Variants in HPCAL1 observed in about 807,000 individuals in gnomAD.
HPCAL1 encodes hippocalcin like 1.
A neutral mutation model predicts 17.1 loss-of-function variants in HPCAL1; 8 were observed. The ratio of observed to expected loss-of-function variants is 0.47; its 90% CI spans 0.27 to 0.84. The LOEUF is 0.84. HPCAL1 is among the 40% of genes least tolerant of loss of function. The pLI is 0.13. For synonymous variants in HPCAL1, 112 were observed against 111.4 expected (o/e 1.01, Z -0.03); for missense variants, 165 against 271.1 (o/e 0.61, Z 2.75).
rs1558486972 is a variant in HPCAL1 at position 10,362,124 on chromosome 2, G to GCC, written c.-110-34711_-110-34710insCC. Reference sequence around the variant, plus strand: ...TCATGTGCCCAAGATCACTTAGCTAGTAAGTGATGGGCAGGGCTGTGGAGC... The same window carrying GCC: ...TCATGTGCCCAAGATCACTTAGCTAGCCTAAGTGATGGGCAGGGCTGTGGAGC... On this transcript the variant is annotated intron_variant, in intron 1 of 4. Coordinates refer to ENST00000307845, the MANE Select transcript of HPCAL1 (RefSeq NM_002149.4). The surrounding 1 kb of genome is among the most constrained non-coding windows in gnomAD (Gnocchi z 5.0). 6.6e-6 allele frequency among the ~76,000 whole-genome samples: 1 copy of GCC among 152,250 alleles called. No individual in the cohort carries two copies. Among genetic ancestry groups the GCC allele is most frequent in the African/African-American group, 2.4e-5 (1 of 41,466 alleles).
At chr2:10,322,065 C>T (rs1439943136) in intron 1 of HPCAL1, among the ~76,000 whole-genome samples, 1 of 151,956 alleles carries the variant, frequency 6.6e-6, no homozygotes, top group Non-Finnish European at 1.5e-5. Flanking sequence ...CTCTGTTGCC[C>T]AGGCTGAAGT....
chr2:10,328,095 G>T lies in HPCAL1; in HGVS notation c.-111+24918G>T, dbSNP rs1572646680. ...GTGATGCGGAAAGACAGCCAAGGGGGACAGTGGCACATGCCTGTGGCACTT... is the reference window on the plus strand; with the variant it reads ...GTGATGCGGAAAGACAGCCAAGGGGTACAGTGGCACATGCCTGTGGCACTT... On this transcript the variant is annotated intron_variant, in intron 1 of 4. Transcript: ENST00000307845. 2.0e-5 allele frequency among the ~76,000 whole-genome samples: 3 copies of T among 152,220 alleles called. No homozygotes were observed. The South Asian group carries it at 6.2e-4, about 32-fold the overall frequency.
chr2:10,312,865 TCACCAC>T (rs1386314428), intron 1 of HPCAL1, among the ~76,000 whole-genome samples: 1 of 151,770 alleles, frequency 6.6e-6, no homozygotes, highest in South Asian at 2.1e-4. Context: ...ACCATCATCA[TCACCAC>T]CACCACCATC....
At chr2:10,385,182 C>T (rs1184003109) in intron 1 of HPCAL1, among the ~76,000 whole-genome samples, 6 of 152,088 alleles carry the variant, frequency 3.9e-5, no homozygotes, top group Non-Finnish European at 7.4e-5. Flanking sequence ...AGCAGCTGTG[C>T]GGTGGTCCTT....
At chr2:10,353,629 A>C (rs4669575) in intron 1 of HPCAL1, among the ~76,000 whole-genome samples, 1 of 152,108 alleles carries the variant, frequency 6.6e-6, no homozygotes, top group Non-Finnish European at 1.5e-5. Flanking sequence ...GTGCAGTGAC[A>C]TGATCAGGGC....
chr2:10,307,377 A>C (rs1461301824), intron 1 of HPCAL1, among the ~76,000 whole-genome samples: 2 of 152,176 alleles, frequency 1.3e-5, no homozygotes, highest in Non-Finnish European at 2.9e-5. Flanking sequence ...CATGATATTA[A>C]GTGCATGTCT....
chr2:10,395,424 C>T lies in HPCAL1; in HGVS notation c.-110-1411C>T, dbSNP rs987182116. Among the ~76,000 whole-genome samples the T allele has an allele frequency of 5.7e-5, 8 of 140,450 alleles. No individual in the cohort carries two copies. In the East Asian group the frequency reaches 9.8e-4, roughly 17 times the overall value. 92.1% of individuals were successfully genotyped at this position (140,450 alleles called of 152,430 possible). On this transcript the variant is annotated intron_variant, in intron 1 of 4. Transcript: ENST00000307845. This position sits in a 1 kb window ranked among gnomAD's most constrained non-coding sequence, Gnocchi z 4.4. ...AGGCTCTGGACGCATAGACGTGAAA[C>T]GGACGATTTCCTGACCTTGTGGCGC... is the stretch of plus-strand genomic sequence containing the variant.
At chr2:10,399,335 C>A (rs1007364496) in intron 2 of HPCAL1, among the ~76,000 whole-genome samples, 102 of 104,232 alleles carry the variant, frequency 9.8e-4, no homozygotes, top group African/African-American at 3.5e-3. Flanking sequence ...TCACCACCAC[C>A]ACCACCACCA....
rs1266535335 is a variant in HPCAL1 at position 10,394,794 on chromosome 2, T to C, written c.-110-2041T>C. Among the ~76,000 whole-genome samples the C allele has an allele frequency of 6.6e-6, 1 of 152,060 alleles. No homozygotes were observed. Among genetic ancestry groups the C allele is most frequent in the Non-Finnish European group, 1.5e-5 (1 of 68,010 alleles). ...TTGGGAAGACCTAAAAAATAAAATCTTTTATTTTATTTTATTTTTTTGAGA... is the reference window on the plus strand; with the variant it reads ...TTGGGAAGACCTAAAAAATAAAATCCTTTATTTTATTTTATTTTTTTGAGA... On this transcript the variant is annotated intron_variant, in intron 1 of 4. Transcript: ENST00000307845. This position sits in a 1 kb window ranked among gnomAD's most constrained non-coding sequence, Gnocchi z 5.0.
At chr2:10,364,437 TG>T (rs1666718647) in intron 1 of HPCAL1, among the ~76,000 whole-genome samples, 1 of 151,876 alleles carries the variant, frequency 6.6e-6, no homozygotes, top group Admixed American at 6.6e-5. Flanking sequence ...TGGAATGCGA[TG>T]GCCAGGGAGG....
Position 10,342,106 on chromosome 2 carries a change from G to A in HPCAL1, c.-111+38929G>A, listed in dbSNP as rs1388471281. 6.6e-6 allele frequency among the ~76,000 whole-genome samples: 1 copy of A among 152,160 alleles called. No homozygotes were observed. The highest frequency in any genetic ancestry group is 2.1e-4 in the South Asian group (1 of 4,828). ...GATGACTTGAGCCCAGGAGGTTGAGGCTACAGTGAGCTCTGATTGTGCCGC... is the reference window on the plus strand; with the variant it reads ...GATGACTTGAGCCCAGGAGGTTGAGACTACAGTGAGCTCTGATTGTGCCGC... On this transcript the variant is annotated intron_variant, in intron 1 of 4. Coordinates refer to ENST00000307845, the MANE Select transcript of HPCAL1 (RefSeq NM_002149.4). This position sits in a 1 kb window ranked among gnomAD's most constrained non-coding sequence, Gnocchi z 4.1.
At chr2:10,381,715 G>T (rs1268731702) in intron 1 of HPCAL1, among the ~76,000 whole-genome samples, 1 of 152,196 alleles carries the variant, frequency 6.6e-6, no homozygotes, top group Non-Finnish European at 1.5e-5. Flanking sequence ...TCAGGGAATT[G>T]TAAATCAAAG....
At chr2:10,366,920 A>G (rs541130717) in intron 1 of HPCAL1, among the ~76,000 whole-genome samples, 13 of 152,204 alleles carry the variant, frequency 8.5e-5, no homozygotes, top group African/African-American at 2.9e-4. Flanking sequence ...ACCTTGTTTG[A>G]GGAGGCTGTG....
intron 1 of HPCAL1, among the ~76,000 whole-genome samples, chr2:10,325,915 AG>A (rs1395052995): frequency 6.6e-6 from 1 of 152,186 alleles, no homozygotes; most frequent in Non-Finnish European, 1.5e-5. Context: ...GTTGGGGGAA[AG>A]TTGTTGGGAA....
intron 1 of HPCAL1, among the ~76,000 whole-genome samples, chr2:10,328,201 G>A (rs969628134): frequency 2.6e-5 from 4 of 152,206 alleles, no homozygotes; most frequent in Admixed American, 6.5e-5. Context: ...TTTTACAGAG[G>A]AGGACACTGA....
At chr2:10,333,643 A>G (rs947320776) in intron 1 of HPCAL1, among the ~76,000 whole-genome samples, 3 of 152,134 alleles carry the variant, frequency 2.0e-5, no homozygotes, top group Admixed American at 2.0e-4. Flanking sequence ...TTGATTTTTG[A>G]AGAAAGTTTT....
At position 10,304,669 on chromosome 2, in the gene HPCAL1, G is replaced by A. The variant is rs1443297768; in HGVS notation, c.-111+1492G>A. ...CTTACCACGACTCACTCTCTGGAGAGTTCTGGCGCCTCGGCGCTGGCTCGG... is the reference window on the plus strand; with the variant it reads ...CTTACCACGACTCACTCTCTGGAGAATTCTGGCGCCTCGGCGCTGGCTCGG... On this transcript the variant is annotated intron_variant, in intron 1 of 4. Coordinates refer to ENST00000307845, the MANE Select transcript of HPCAL1 (RefSeq NM_002149.4). The surrounding 1 kb of genome is among the most constrained non-coding windows in gnomAD (Gnocchi z 4.1). Among the ~76,000 whole-genome samples the A allele has an allele frequency of 4.6e-5, 7 of 152,252 alleles. No homozygotes were observed. The highest frequency in any genetic ancestry group is 4.6e-4 in the Admixed American group (7 of 15,292).
rs1401354300 is a variant in HPCAL1, at chr2:10,426,749, C to T, written c.510C>T (p.Ile170=). The change falls in exon 5 of 5, where the codon ATC becomes ATT. Residue 170 remains isoleucine (I), a synonymous_variant. Transcript: ENST00000307845. ...NDGKLSLEEF[I]RGAKSDPSIV... ...GCAAACTGTCCTTGGAAGAATTCAT[C>T]AGAGGTGCCAAGAGCGACCCCTCCA... 1 of 1,613,470 alleles carries T rather than the reference C, an allele frequency of 6.2e-7. No individual in the cohort carries two copies. Among genetic ancestry groups the T allele is most frequent in the South Asian group, 1.1e-5 (1 of 91,078 alleles).
intron 1 of HPCAL1, among the ~76,000 whole-genome samples, chr2:10,347,519 C>A (rs926507109): frequency 3.9e-5 from 6 of 152,172 alleles, no homozygotes; most frequent in Admixed American, 3.9e-4. Flanking sequence ...ACACCCACTA[C>A]TTCTCCTTTG....
Sources: gnomAD v4.1 joint callset for allele counts (sites outside exome capture counted in the v4.1 genomes callset) on GRCh38, gnomAD v4.1.1 for gene constraint, Gnocchi (gnomAD v3.1) non-coding constraint, MANE v1.5 for transcripts, NCBI Gene and HGNC (gene_info 2026-07-23, HGNC 2026-07-21) for gene names.